DAB1: variants seen among roughly 807,000 people sequenced by gnomAD.
The protein encoded by DAB1 is disabled homolog 1.
In DAB1, 15 loss-of-function variants were observed where a neutral mutation model predicts 64.6. The observed-to-expected ratio is 0.23, with a 90% CI of 0.16 to 0.36. DAB1 has a LOEUF of 0.36. Ranked by LOEUF, DAB1 falls within the 10% of genes least tolerant of loss-of-function variation. The probability of loss-of-function intolerance (pLI) is 1.00; values close to 1 mark genes in which losing one functional copy is unlikely to be tolerated. For synonymous variants in DAB1, 235 were observed against 251.9 expected (o/e 0.93, Z 0.64); for missense variants, 596 against 706.7 (o/e 0.84, Z 1.78).
intron 3 of DAB1, among the ~76,000 whole-genome samples, chr1:58,367,689 A>C (rs981976475): frequency 2.6e-5 from 4 of 152,136 alleles, no homozygotes; most frequent in African/African-American, 9.7e-5. Context: ...CATCTCAGAC[A>C]GTACTACTAT....
intron 6 of DAB1, among the ~76,000 whole-genome samples, chr1:57,817,166 A>G (rs933915206): frequency 6.6e-5 from 10 of 152,210 alleles, no homozygotes; most frequent in African/African-American, 2.4e-4. Flanking sequence ...TATATATTAA[A>G]CAAATATTAG....
chr1:58,017,455 A>T (rs1646757298), intron 5 of DAB1, among the ~76,000 whole-genome samples: 1 of 152,168 alleles, frequency 6.6e-6, no homozygotes, highest in South Asian at 2.1e-4. Flanking sequence ...ATGCATGGTC[A>T]GGTAAATATG....
chr1:58,384,450 A>G (rs1016566000), intron 3 of DAB1, among the ~76,000 whole-genome samples: 1 of 152,248 alleles, frequency 6.6e-6, no homozygotes, highest in Non-Finnish European at 1.5e-5. Flanking sequence ...GCTGTACAAC[A>G]TAGCCTATAG....
intron 2 of DAB1, among the ~76,000 whole-genome samples, chr1:57,255,716 C>T (rs1004838156): frequency 5.3e-5 from 8 of 152,232 alleles, no homozygotes; most frequent in Admixed American, 2.6e-4. Context: ...TACCTTCTTA[C>T]GGAGTCTACA....
At chr1:57,990,492 A>C (rs1267023135) in intron 5 of DAB1, among the ~76,000 whole-genome samples, 1 of 152,216 alleles carries the variant, frequency 6.6e-6, no homozygotes, top group Non-Finnish European at 1.5e-5. Flanking sequence ...CCTAACAACA[A>C]GTTGGTGAGG....
At chr1:57,795,797 T>C (rs1004367435) in intron 6 of DAB1, among the ~76,000 whole-genome samples, 1 of 146,510 alleles carries the variant, frequency 6.8e-6, no homozygotes, top group Non-Finnish European at 1.5e-5. Context: ...ATTTACAGGA[T>C]AAATTTAAGT....
chr1:57,438,992 G>A (rs1017351690), intron 7 of DAB1, among the ~76,000 whole-genome samples: 4 of 152,152 alleles, frequency 2.6e-5, no homozygotes, highest in Non-Finnish European at 5.9e-5. Flanking sequence ...CTGGGTTGGA[G>A]CATGTGACCC....
At chr1:58,533,610 A>G (rs985786488) in intron 1 of DAB1, among the ~76,000 whole-genome samples, 1 of 152,206 alleles carries the variant, frequency 6.6e-6, no homozygotes, top group Non-Finnish European at 1.5e-5. Flanking sequence ...TCACTTCCCT[A>G]CAATTAATTT....
intron 7 of DAB1, among the ~76,000 whole-genome samples, chr1:57,571,130 AT>A (rs1645189385): frequency 6.6e-6 from 1 of 152,140 alleles, no homozygotes; most frequent in African/African-American, 2.4e-5. Flanking sequence ...TTCTAGGTAT[AT>A]CATCATGTCA....
At chr1:57,156,662 A>C (rs1660249586) in intron 2 of DAB1, among the ~76,000 whole-genome samples, 1 of 152,204 alleles carries the variant, frequency 6.6e-6, no homozygotes, top group African/African-American at 2.4e-5. Context: ...TTTAGTCCTC[A>C]AGGAATAAAA....
intron 4 of DAB1, among the ~76,000 whole-genome samples, chr1:58,169,076 T>C (rs1042439490): frequency 6.6e-6 from 1 of 152,246 alleles, no homozygotes; most frequent in Admixed American, 6.5e-5. Context: ...AGTGCAACTA[T>C]TCTGATCAGC....
rs77872167 is a variant in DAB1 at position 57,131,695 on chromosome 1, T to C, written c.306+4848A>G. ...CTGGTTTTCACTGAGGAATAAATTA[T>C]TAAATCAGCCCTGAAATTTAAGTGC... On this transcript the variant is annotated intron_variant, in intron 4 of 14. Coordinates refer to ENST00000371236, the MANE Select transcript of DAB1 (RefSeq NM_001365792.1). 6.8e-3 allele frequency among the ~76,000 whole-genome samples: 1,040 copies of C among 152,316 alleles called. 7 individuals carry two copies. The highest frequency in any genetic ancestry group is 0.022 in the African/African-American group (933 of 41,582).
At chr1:57,618,590 G>A (rs1451106344) in intron 7 of DAB1, among the ~76,000 whole-genome samples, 7 of 152,106 alleles carry the variant, frequency 4.6e-5, no homozygotes, top group African/African-American at 1.2e-4. Flanking sequence ...GAGCTTAGAC[G>A]GTGGACAGGG....
At chr1:57,007,908 T>C (rs778530291) in intron 14 of DAB1, among the ~76,000 whole-genome samples, 11 of 152,154 alleles carry the variant, frequency 7.2e-5, no homozygotes, top group Non-Finnish European at 1.2e-4. Context: ...GGGATGGAGA[T>C]GGAAAGATTA....
intron 4 of DAB1, among the ~76,000 whole-genome samples, chr1:58,223,461 T>G (rs1321177250): frequency 6.6e-6 from 1 of 152,230 alleles, no homozygotes; most frequent in East Asian, 1.9e-4. Flanking sequence ...TCCTCCAGTC[T>G]CTGCTTAAAG....
chr1:57,591,148 A>C (rs1645441626), intron 7 of DAB1, among the ~76,000 whole-genome samples: 1 of 152,196 alleles, frequency 6.6e-6, no homozygotes, highest in Non-Finnish European at 1.5e-5. Context: ...CGCACTGCCT[A>C]GTACGCATTC....
At chr1:57,845,616 T>C (rs531537778) in intron 1 of DAB1, among the ~76,000 whole-genome samples, 447 of 152,294 alleles carry the variant, frequency 2.9e-3, no homozygotes, top group African/African-American at 0.01. Context: ...AGCTTCCTTA[T>C]ACATTAAAGA....
At chr1:58,328,823 C>G (rs1190990013) in intron 4 of DAB1, among the ~76,000 whole-genome samples, 1 of 152,166 alleles carries the variant, frequency 6.6e-6, no homozygotes, top group African/African-American at 2.4e-5. Flanking sequence ...CCAGGTTGGT[C>G]TCAAACTCCT....
chr1:57,856,719 A>G (rs1653773223), intron 1 of DAB1, among the ~76,000 whole-genome samples: 2 of 152,142 alleles, frequency 1.3e-5, no homozygotes, highest in Non-Finnish European at 2.9e-5. Flanking sequence ...AGCCGAGATC[A>G]TGCCACTGCA....
Sources: gnomAD v4.1 joint callset for allele counts (sites outside exome capture counted in the v4.1 genomes callset) on GRCh38, gnomAD v4.1.1 for gene constraint, MANE v1.5 for transcripts, NCBI Gene and HGNC (gene_info 2026-07-23, HGNC 2026-07-21) for gene names.